MDGA2: variants seen among roughly 807,000 people sequenced by gnomAD.
MDGA2 encodes the protein MAM domain containing glycosylphosphatidylinositol anchor 2.
MDGA2 carries 40 observed loss-of-function variants against 117.8 expected under a neutral mutation model. That is an observed-to-expected ratio of 0.34 (90% CI 0.26 to 0.44). The LOEUF (loss-of-function observed/expected upper bound fraction) is 0.44. Ranked by LOEUF, MDGA2 falls within the 20% of genes least tolerant of loss-of-function variation. The pLI, the probability that MDGA2 is intolerant of heterozygous loss-of-function variation, is 1.00. For synonymous variants in MDGA2, 452 were observed against 439.0 expected, an observed-to-expected ratio of 1.03 and a Z score of -0.37; for missense variants, 1,123 against 1,250.6, an observed-to-expected ratio of 0.90 and a Z score of 1.54.
rs1334926002 is a variant in MDGA2 at position 47,166,029 on chromosome 14, T to C, written c.596-21755A>G. Among the ~76,000 whole-genome samples, 18 of 143,600 alleles carry C rather than the reference T, an allele frequency of 1.3e-4. No individual in the cohort carries two copies. In the Admixed American group the frequency reaches 1.3e-3, roughly 10 times the overall value. The allele number at this position is 143,600 out of a possible 152,430, so 94.2% of individuals were successfully genotyped here. A position where few individuals can be genotyped will look rare whatever the true frequency, so the allele number is the denominator to read the frequency against. On this transcript the variant is annotated intron_variant, in intron 3 of 16. Transcript: ENST00000399232. ...TTATCCCATTTTATAAGCAGCACTG[T>C]TTACTTTTTTTTTTTTTTTTTTTTT...
At chr14:47,285,928 T>A (rs938427986) in intron 2 of MDGA2, among the ~76,000 whole-genome samples, 4 of 152,104 alleles carry the variant, frequency 2.6e-5, no homozygotes, top group African/African-American at 9.7e-5. Context: ...AACCATGCCA[T>A]TTGACTGAAA....
chr14:47,554,223 A>T (rs1272500293), intron 1 of MDGA2, among the ~76,000 whole-genome samples: 2 of 152,200 alleles, frequency 1.3e-5, no homozygotes, highest in African/African-American at 4.8e-5. Flanking sequence ...TGATGAGTAT[A>T]TCACATACCT....
intron 5 of MDGA2, among the ~76,000 whole-genome samples, chr14:47,128,073 G>A (rs756652712): frequency 2.0e-5 from 3 of 152,020 alleles, no homozygotes; most frequent in Non-Finnish European, 4.4e-5. Flanking sequence ...CTTGGAAAAT[G>A]ATAAAAATCA....
chr14:47,367,911 T>C (rs996635802), intron 1 of MDGA2, among the ~76,000 whole-genome samples: 5 of 152,232 alleles, frequency 3.3e-5, no homozygotes, highest in East Asian at 3.8e-4. Flanking sequence ...CAAAGTGTTC[T>C]TGAAGTATAG....
At chr14:47,160,949 A>T (rs1307889595) in intron 3 of MDGA2, among the ~76,000 whole-genome samples, 1 of 152,194 alleles carries the variant, frequency 6.6e-6, no homozygotes, top group Non-Finnish European at 1.5e-5. Flanking sequence ...TGCATGAAGC[A>T]TCTCTTAATT....
chr14:47,356,560 G>A (rs552386398), intron 1 of MDGA2, among the ~76,000 whole-genome samples: 36 of 152,128 alleles, frequency 2.4e-4, no homozygotes, highest in Admixed American at 3.9e-4. Flanking sequence ...ACCCTTTGCA[G>A]GGGAACATTA....
At chr14:47,490,574 T>C (rs2038315) in intron 1 of MDGA2, among the ~76,000 whole-genome samples, 114,166 of 151,986 alleles carry the variant, frequency 0.75, 43,314 homozygotes, top group East Asian at 1. Flanking sequence ...TGCCAAGTTT[T>C]ACTTTCACAA....
chr14:47,413,683 T>TA (rs1391530089), intron 1 of MDGA2, among the ~76,000 whole-genome samples: 1 of 151,292 alleles, frequency 6.6e-6, no homozygotes, highest in African/African-American at 2.4e-5. Context: ...TTTTTTTTTT[T>TA]ACTTTGAGAA....
intron 8 of MDGA2, among the ~76,000 whole-genome samples, chr14:47,002,179 C>T (rs573860234): frequency 6.6e-6 from 1 of 151,946 alleles, no homozygotes; most frequent in East Asian, 1.9e-4. Context: ...CATAAACCTT[C>T]CCAATGTAAA....
chr14:47,570,774 G>A (rs1428064232), intron 1 of MDGA2, among the ~76,000 whole-genome samples: 2 of 151,930 alleles, frequency 1.3e-5, no homozygotes. Context: ...ATTAAAGACT[G>A]AAACATAAGA....
At chr14:47,596,026 A>T (rs1472354548) in intron 1 of MDGA2, among the ~76,000 whole-genome samples, 1 of 152,200 alleles carries the variant, frequency 6.6e-6, no homozygotes, top group African/African-American at 2.4e-5. Context: ...AAAGTAGGTA[A>T]GTTGCTTCCT....
intron 8 of MDGA2, among the ~76,000 whole-genome samples, chr14:46,994,510 TACAA>T (rs1887213545): frequency 2.1e-5 from 1 of 48,126 alleles, no homozygotes; most frequent in South Asian, 9.3e-4. Context: ...CATGCACACA[TACAA>T]ACACACACAC....
chr14:47,000,885 CAT>C (rs1288992867), intron 8 of MDGA2, among the ~76,000 whole-genome samples: 5 of 151,896 alleles, frequency 3.3e-5, no homozygotes, highest in African/African-American at 9.7e-5. Context: ...TTAAAGTAAG[CAT>C]AGTTTGATTC....
intron 8 of MDGA2, among the ~76,000 whole-genome samples, chr14:46,965,401 T>G (rs988433874): frequency 1.3e-5 from 2 of 152,130 alleles, no homozygotes; most frequent in African/African-American, 4.8e-5. Context: ...AATGATAATG[T>G]TGGGTTAAAA....
intron 2 of MDGA2, among the ~76,000 whole-genome samples, chr14:47,263,682 C>T (rs72680264): frequency 0.011 from 1,667 of 152,230 alleles, 14 homozygotes; most frequent in South Asian, 0.021. Context: ...GTGGTGATCA[C>T]ATCTGAATAG....
chr14:47,005,191 G>C (rs538268586), intron 8 of MDGA2, among the ~76,000 whole-genome samples: 11 of 151,688 alleles, frequency 7.3e-5, no homozygotes, highest in Non-Finnish European at 1.3e-4. Flanking sequence ...TTAGATGAAA[G>C]CATTCAGTCT....
intron 7 of MDGA2, among the ~76,000 whole-genome samples, chr14:47,060,392 T>C (rs1889841338): frequency 6.6e-6 from 1 of 152,096 alleles, no homozygotes; most frequent in South Asian, 2.1e-4. Context: ...CGCTGCCTGA[T>C]CATGTGTCTA....
intron 3 of MDGA2, among the ~76,000 whole-genome samples, chr14:47,159,546 T>G (rs1883546214): frequency 1.3e-5 from 2 of 152,222 alleles, no homozygotes; most frequent in African/African-American, 4.8e-5. Flanking sequence ...TTTGCCTGAT[T>G]GCTTTCCAAA....
intron 1 of MDGA2, among the ~76,000 whole-genome samples, chr14:47,374,197 C>A (rs971345005): frequency 2.6e-5 from 4 of 151,980 alleles, no homozygotes; most frequent in Non-Finnish European, 5.9e-5. Context: ...CAACATTTCC[C>A]CCAGGATTTC....
Sources: allele counts gnomAD v4.1 joint callset (sites outside exome capture counted in the v4.1 genomes callset), GRCh38; gene constraint gnomAD v4.1.1; transcripts MANE v1.5; gene names NCBI Gene and HGNC (gene_info 2026-07-23, HGNC 2026-07-21).